The following PDS5A variants were observed in gnomAD, a reference collection of about 807,000 sequenced individuals.
PDS5A encodes the protein sister chromatid cohesion protein PDS5 homolog A.
A neutral mutation model predicts 167.1 loss-of-function variants in PDS5A; 42 were observed. That is an observed-to-expected ratio of 0.25 (90% CI 0.20 to 0.33). PDS5A has a LOEUF of 0.33. Ranked by LOEUF, PDS5A falls within the 10% of genes least tolerant of loss-of-function variation. The pLI is 1.00. For missense variants in PDS5A, 1,033 were observed against 1,605.9 expected (o/e 0.64, Z 6.10); for synonymous variants, 553 against 554.6 (o/e 1.00, Z 0.04).
At position 39,898,431 on chromosome 4, in the gene PDS5A, T is replaced by C. The variant is rs1452211457; in HGVS notation, c.1728A>G (p.Leu576=). ...DEKLRSQLEL[L]ISPTCSCKQA... Reference sequence around the variant, plus strand: ...GTTTGCAAGAACAGGTTGGGCTAATTAATAACTCCAACTGAGACCGAAGTT... The same window carrying C: ...GTTTGCAAGAACAGGTTGGGCTAATCAATAACTCCAACTGAGACCGAAGTT... Residue 576 remains leucine (L), a synonymous_variant, in exon 16 of 33, where the codon TTA becomes TTG. Transcript: ENST00000303538. 1.3e-6 allele frequency: 2 copies of C among 1,592,872 alleles called. No individual in the cohort carries two copies. The highest frequency in any genetic ancestry group is 1.7e-5 in the Admixed American group (1 of 57,652).
intron 26 of PDS5A, 76 bp downstream of exon 26, chr4:39,862,143 A>G: frequency 1.9e-6 from 1 of 522,194 alleles, no homozygotes; most frequent in Non-Finnish European, 3.4e-6. Context: ...ATAAATAAAA[A>G]TAATAAACAA....
intron 2 of PDS5A, among the ~76,000 whole-genome samples, chr4:39,969,076 T>C (rs1262302065): frequency 2.0e-5 from 3 of 152,130 alleles, no homozygotes; most frequent in Non-Finnish European, 4.4e-5. Flanking sequence ...TGCCAGCTAT[T>C]TGTGATTCTT....
At chr4:39,904,460 T>A (rs1198316041) in intron 11 of PDS5A, among the ~76,000 whole-genome samples, 1 of 152,116 alleles carries the variant, frequency 6.6e-6, no homozygotes, top group African/African-American at 2.4e-5. Flanking sequence ...TGCCTCAGCC[T>A]CCCAAGTAGC....
chr4:39,839,955 A>AGGTG (rs1716820272), intron 31 of PDS5A, among the ~76,000 whole-genome samples: 1 of 151,704 alleles, frequency 6.6e-6, no homozygotes, highest in Non-Finnish European at 1.5e-5. Flanking sequence ...TTAGCTGGGC[A>AGGTG]TGGTGGTGCG....
chr4:39,931,891 C>CTTTT (rs372230505), intron 2 of PDS5A, among the ~76,000 whole-genome samples: 1 of 136,126 alleles, frequency 7.3e-6, no homozygotes, highest in African/African-American at 2.7e-5. Flanking sequence ...GGTCAGGTGA[C>CTTTT]TTTTTTTTTT....
rs1016014592 is a variant in PDS5A at position 39,913,542 on chromosome 4, T to C, written c.992+69A>G. ...ATGAAAGTTTTGATATGTATAGTTT[T>C]AATCAAGTGGACTGCACCCTACTGA... On this transcript the variant is annotated intron_variant, in intron 9 of 32. Transcript: ENST00000303538. The C allele has an allele frequency of 3.7e-6, 3 of 814,902 alleles. No homozygotes were observed. In the African/African-American group the frequency reaches 5.1e-5, roughly 14 times the overall value. 50.5% of individuals were successfully genotyped at this position (814,902 alleles called of 1,614,324 possible).
At chr4:39,958,634 A>G (rs1171303421) in intron 2 of PDS5A, among the ~76,000 whole-genome samples, 2 of 148,096 alleles carry the variant, frequency 1.4e-5, no homozygotes, top group Non-Finnish European at 3.0e-5. Context: ...TTTTTCTTTG[A>G]GACAGAGTCT....
At chr4:39,887,945 A>T (rs1721621470) in intron 17 of PDS5A, among the ~76,000 whole-genome samples, 1 of 152,180 alleles carries the variant, frequency 6.6e-6, no homozygotes, top group Non-Finnish European at 1.5e-5. Flanking sequence ...CATACAAAAA[A>T]ATCCAATTTA....
intron 2 of PDS5A, among the ~76,000 whole-genome samples, chr4:39,947,440 T>G (rs969446369): frequency 6.6e-6 from 1 of 151,432 alleles, no homozygotes; most frequent in African/African-American, 2.4e-5. Flanking sequence ...AGAGAGAGAC[T>G]GTCTGAAAGG....
chr4:39,916,723 G>A (rs1212355692), intron 8 of PDS5A, among the ~76,000 whole-genome samples: 1 of 152,000 alleles, frequency 6.6e-6, no homozygotes, highest in East Asian at 1.9e-4. Flanking sequence ...AAAATTATAT[G>A]GGCATGGTGG....
chr4:39,898,572 A>T, intron 15 of PDS5A, 44 bp from the exon 16 acceptor site: 1 of 1,304,642 alleles, frequency 7.7e-7, no homozygotes, highest in Admixed American at 2.9e-5. Flanking sequence ...GGAAAAAAAA[A>T]AAACTATTCT....
intron 9 of PDS5A, among the ~76,000 whole-genome samples, chr4:39,912,397 C>T (rs1723971322): frequency 6.6e-6 from 1 of 152,184 alleles, no homozygotes; most frequent in Non-Finnish European, 1.5e-5. Flanking sequence ...GGGAATTCCT[C>T]CCCCATAACT....
chr4:39,864,886 A>G (rs564532887), intron 23 of PDS5A, among the ~76,000 whole-genome samples: 3 of 152,368 alleles, frequency 2.0e-5, no homozygotes, highest in African/African-American at 7.2e-5. Flanking sequence ...ATGGGTGTTC[A>G]TTCTATGGTT....
In PDS5A at chr4:39,973,822, C is replaced by A. The variant is rs141569283; in HGVS notation, c.138+2618G>T. 2.3e-3 allele frequency: 2,662 copies of A among 1,158,652 alleles called. 5 individuals are homozygous for A. The highest frequency in any genetic ancestry group is 3.2e-3 in the Admixed American group (189 of 59,060). 71.8% of individuals were successfully genotyped at this position (1,158,652 alleles called of 1,614,324 possible). A position where few individuals can be genotyped will look rare whatever the true frequency, so the allele number is the denominator to read the frequency against. On this transcript the variant is annotated intron_variant, in intron 2 of 32. Coordinates refer to ENST00000303538, the MANE Select transcript of PDS5A (RefSeq NM_001100399.2). ...AGGTTACTTCATGGCAGCTATTCCA[C>A]AGACTCAGAACCGTGCTGCAAGACC... is the stretch of plus-strand genomic sequence containing the variant.
Position 39,823,837 on chromosome 4 carries a change from T to C in PDS5A, c.*1648A>G, listed in dbSNP as rs1380134560. The C allele has an allele frequency of 6.6e-6, 1 of 152,646 alleles. No individual in the cohort carries two copies. The highest frequency in any genetic ancestry group is 1.5e-5 in the Non-Finnish European group (1 of 68,036). The allele number at this position is 152,646 out of a possible 1,614,324, so 9.5% of individuals were successfully genotyped here. ...AATGCATATTTAAAATAATTACCCATCTTTCAGTCAATACACAGCCAACTC... is the reference window on the plus strand; with the variant it reads ...AATGCATATTTAAAATAATTACCCACCTTTCAGTCAATACACAGCCAACTC... On this transcript the variant is annotated 3_prime_UTR_variant, in exon 33 of 33. Coordinates refer to ENST00000303538, the MANE Select transcript of PDS5A (RefSeq NM_001100399.2).
chr4:39,935,906 T>A (rs1726550595), intron 2 of PDS5A, among the ~76,000 whole-genome samples: 2 of 152,200 alleles, frequency 1.3e-5, no homozygotes, highest in Non-Finnish European at 2.9e-5. Flanking sequence ...TTCACACAAA[T>A]ACAAGTACGT....
chr4:39,911,543 C>A (rs1723883936), intron 9 of PDS5A, among the ~76,000 whole-genome samples: 1 of 151,858 alleles, frequency 6.6e-6, no homozygotes, highest in Non-Finnish European at 1.5e-5. Context: ...CTCAAAAATG[C>A]ACATGTTGGC....
Position 39,902,525 on chromosome 4 carries a change from T to G in PDS5A, c.1386-65A>C, listed in dbSNP as rs543023061. On this transcript the variant is annotated intron_variant, in intron 12 of 32. Transcript: ENST00000303538. ...ATTATTCCATTTTTAAGAAGCAATT[T>G]TTTTTTTTTTTTTTGGAGACAGGGT... 145 of 631,784 alleles carry G rather than the reference T, an allele frequency of 2.3e-4. No homozygotes were observed. In the East Asian group the frequency reaches 4.7e-3, roughly 21 times the overall value. 39.1% of individuals were successfully genotyped at this position (631,784 alleles called of 1,614,324 possible).
intron 2 of PDS5A, among the ~76,000 whole-genome samples, chr4:39,970,801 T>C (rs1331270122): frequency 6.8e-6 from 1 of 146,754 alleles, no homozygotes; most frequent in East Asian, 2.0e-4. Context: ...TTTTTTTTTT[T>C]TTTTTTTTTT....
Sources: gnomAD v4.1 joint callset for allele counts (sites outside exome capture counted in the v4.1 genomes callset) on GRCh38, gnomAD v4.1.1 for gene constraint, MANE v1.5 for transcripts, NCBI Gene and HGNC (gene_info 2026-07-23, HGNC 2026-07-21) for gene names.